ULK4: variants seen among roughly 807,000 people sequenced by gnomAD.
The protein encoded by ULK4 is inactive serine/threonine-protein kinase ULK4.
A neutral mutation model predicts 160.6 loss-of-function variants in ULK4; 133 were observed. The ratio of observed to expected loss-of-function variants is 0.83; its 90% CI spans 0.72 to 0.96. The LOEUF (loss-of-function observed/expected upper bound fraction) is 0.96. ULK4 is among the 40% of genes least tolerant of loss of function. ULK4 has a pLI of 0.00. For missense variants in ULK4, 1,580 were observed against 1,499.5 expected (o/e 1.05, Z -0.89); for synonymous variants, 534 against 539.8 (o/e 0.99, Z 0.15).
intron 25 of ULK4, among the ~76,000 whole-genome samples, chr3:41,707,093 T>G (rs1486133215): frequency 6.6e-6 from 1 of 152,134 alleles, no homozygotes; most frequent in Admixed American, 6.6e-5. Context: ...ATTTATCATT[T>G]TCTTGGTTTT....
intron 5 of ULK4, among the ~76,000 whole-genome samples, chr3:41,924,834 C>T (rs1418875593): frequency 6.6e-6 from 1 of 152,118 alleles, no homozygotes; most frequent in Non-Finnish European, 1.5e-5. Flanking sequence ...CACATGACTA[C>T]CAAGTCCAAG....
intron 34 of ULK4, among the ~76,000 whole-genome samples, chr3:41,422,145 G>T (rs1254002796): frequency 6.6e-6 from 1 of 152,092 alleles, no homozygotes; most frequent in African/African-American, 2.4e-5. Context: ...AATAGTCCTT[G>T]AAAGTGTTAT....
At chr3:41,834,681 G>C (rs982970865) in intron 18 of ULK4, among the ~76,000 whole-genome samples, 1 of 152,184 alleles carries the variant, frequency 6.6e-6, no homozygotes, top group Admixed American at 6.5e-5. Context: ...CAGAAAGTCA[G>C]TTTAATTTAG....
chr3:41,532,929 A>G (rs981289547), intron 32 of ULK4, among the ~76,000 whole-genome samples: 1 of 152,176 alleles, frequency 6.6e-6, no homozygotes, highest in African/African-American at 2.4e-5. Flanking sequence ...CCTTGAACCA[A>G]TATGGCTTAG....
chr3:41,685,284 T>C (rs2036063749), intron 27 of ULK4, among the ~76,000 whole-genome samples: 1 of 152,132 alleles, frequency 6.6e-6, no homozygotes, highest in South Asian at 2.1e-4. Flanking sequence ...CGGCCCTTTC[T>C]CCTTAAGCAT....
At chr3:41,486,525 G>A (rs757139169) in intron 32 of ULK4, among the ~76,000 whole-genome samples, 40 of 152,116 alleles carry the variant, frequency 2.6e-4, no homozygotes, top group Admixed American at 1.2e-3. Flanking sequence ...AAGACTGAAC[G>A]GTGTCAGGTA....
chr3:41,394,058 A>T (rs2082007006), intron 35 of ULK4, among the ~76,000 whole-genome samples: 2 of 152,184 alleles, frequency 1.3e-5, no homozygotes, highest in Admixed American at 6.5e-5. Context: ...TGTACCAAAA[A>T]TTCTAACACA....
chr3:41,507,498 A>G (rs2085432295), intron 32 of ULK4, among the ~76,000 whole-genome samples: 1 of 151,880 alleles, frequency 6.6e-6, no homozygotes, highest in Non-Finnish European at 1.5e-5. Flanking sequence ...AATATTCAGA[A>G]GCCCCTGTGA....
chr3:41,773,250 G>A (rs1427046929), intron 21 of ULK4, among the ~76,000 whole-genome samples: 2 of 152,156 alleles, frequency 1.3e-5, no homozygotes, highest in Non-Finnish European at 2.9e-5. Flanking sequence ...GAAATAAAGG[G>A]CATTCAATTA....
At chr3:41,374,027 G>C (rs1376975072) in intron 35 of ULK4, among the ~76,000 whole-genome samples, 1 of 152,134 alleles carries the variant, frequency 6.6e-6, no homozygotes, top group Non-Finnish European at 1.5e-5. Context: ...AAATAAACTA[G>C]ACAATCTAGA....
intron 32 of ULK4, among the ~76,000 whole-genome samples, chr3:41,544,816 T>TG (rs1291357068): frequency 1.3e-5 from 2 of 152,096 alleles, no homozygotes; most frequent in Non-Finnish European, 2.9e-5. Flanking sequence ...AAATTTTTAG[T>TG]CGGGGGTTCC....
chr3:41,716,041 A>G (rs2037253767), intron 23 of ULK4, among the ~76,000 whole-genome samples: 1 of 151,300 alleles, frequency 6.6e-6, no homozygotes, highest in African/African-American at 2.4e-5. Flanking sequence ...GTGAAACCCC[A>G]TCTCTAATAA....
chr3:41,683,496 T>C (rs1049654416), intron 27 of ULK4, among the ~76,000 whole-genome samples: 1 of 151,632 alleles, frequency 6.6e-6, no homozygotes. Flanking sequence ...ACCTGAAGTT[T>C]TGATTCAGCA....
At chr3:41,698,938 T>C (rs2036584915) in intron 27 of ULK4, among the ~76,000 whole-genome samples, 2 of 152,194 alleles carry the variant, frequency 1.3e-5, no homozygotes, top group African/African-American at 4.8e-5. Flanking sequence ...ATTTTTAAGA[T>C]TTATCCATGT....
In ULK4 at chr3:41,493,148, C is replaced by T. The variant is rs1381339185; in HGVS notation, c.3227-29895G>A. ...ACATTTTTTTCAGTACCACACCACA[C>T]CTATTCCAAAATTGACCACATACTT... On this transcript the variant is annotated intron_variant, in intron 32 of 36. Transcript: ENST00000301831. 9.6e-5 allele frequency among the ~76,000 whole-genome samples: 13 copies of T among 135,338 alleles called. No homozygotes were observed. The East Asian group carries it at 1.8e-3, about 19-fold the overall frequency. 88.8% of individuals were successfully genotyped at this position (135,338 alleles called of 152,430 possible). A position where few individuals can be genotyped will look rare whatever the true frequency, so the allele number is the denominator to read the frequency against.
chr3:41,486,315 C>T (rs1045147110), intron 32 of ULK4, among the ~76,000 whole-genome samples: 13 of 152,172 alleles, frequency 8.5e-5, no homozygotes, highest in Admixed American at 4.6e-4. Context: ...CCAAAGAAGG[C>T]TTCATTCTAG....
At chr3:41,742,343 C>T (rs1334379080) in intron 22 of ULK4, among the ~76,000 whole-genome samples, 1 of 151,974 alleles carries the variant, frequency 6.6e-6, no homozygotes, top group Non-Finnish European at 1.5e-5. Context: ...CCAATAGAAA[C>T]AGGCCATTCT....
chr3:41,666,795 A>T (rs1205583166), intron 29 of ULK4, among the ~76,000 whole-genome samples: 1 of 152,218 alleles, frequency 6.6e-6, no homozygotes, highest in Non-Finnish European at 1.5e-5. Context: ...CATTCTCAAT[A>T]GGGCTAGAAA....
chr3:41,944,204 A>G (rs1019672123), intron 2 of ULK4, among the ~76,000 whole-genome samples: 2 of 152,220 alleles, frequency 1.3e-5, no homozygotes, highest in African/African-American at 4.8e-5. Flanking sequence ...CCTTGCACAT[A>G]AGCCAAGTTC....
Sources: gnomAD v4.1 joint callset for allele counts (sites outside exome capture counted in the v4.1 genomes callset) on GRCh38, gnomAD v4.1.1 for gene constraint, MANE v1.5 for transcripts, NCBI Gene and HGNC (gene_info 2026-07-23, HGNC 2026-07-21) for gene names.